SCMH1: variants seen among roughly 807,000 people sequenced by gnomAD.
SCMH1 encodes Scm polycomb group protein homolog 1.
SCMH1 carries 37 observed loss-of-function variants against 70.8 expected under a neutral mutation model. The observed-to-expected ratio is 0.52, with a 90% CI of 0.40 to 0.69. The LOEUF is 0.69. Ranked by LOEUF, SCMH1 falls within the 30% of genes least tolerant of loss-of-function variation. SCMH1 has a pLI of 0.00. For missense variants in SCMH1, 607 were observed against 827.3 expected (o/e 0.73, Z 3.27); for synonymous variants, 292 against 307.4 (o/e 0.95, Z 0.52).
chr1:41,201,723 A>C (rs1238009392), intron 1 of SCMH1, among the ~76,000 whole-genome samples: 2 of 152,206 alleles, frequency 1.3e-5, no homozygotes, highest in African/African-American at 4.8e-5. Flanking sequence ...TTCTCTAGCG[A>C]AGTGACTTAA....
intron 5 of SCMH1, among the ~76,000 whole-genome samples, chr1:41,146,986 C>T (rs1244629466): frequency 6.6e-6 from 1 of 152,066 alleles, no homozygotes; most frequent in African/African-American, 2.4e-5. Flanking sequence ...CCACCCCACC[C>T]AAAGTAGTTG....
chr1:41,033,945 C>G, intron 13 of SCMH1, 38 bp downstream of exon 14: 2 of 1,613,448 alleles, frequency 1.2e-6, no homozygotes, highest in Non-Finnish European at 1.7e-6. Flanking sequence ...GAAACAGGGC[C>G]TTGGGGAAGA....
intron 11 of SCMH1, 92 bp downstream of exon 11, chr1:41,048,598 G>T: frequency 8.9e-7 from 1 of 1,127,944 alleles, no homozygotes; most frequent in Non-Finnish European, 1.3e-6. Flanking sequence ...CTGCAGGTAT[G>T]AAGTGGGAAC....
chr1:41,205,783 A>G (rs1179657269), intron 1 of SCMH1, among the ~76,000 whole-genome samples: 2 of 152,254 alleles, frequency 1.3e-5, no homozygotes, highest in Non-Finnish European at 2.9e-5. Context: ...GCCGACTGAC[A>G]CCTCATACAG....
At chr1:41,200,251 G>A (rs1484841963) in intron 1 of SCMH1, among the ~76,000 whole-genome samples, 9 of 152,032 alleles carry the variant, frequency 5.9e-5, no homozygotes, top group African/African-American at 2.4e-5. Context: ...GCTGAGGCGG[G>A]TGGATCACAA....
chr1:41,125,108 C>T lies in SCMH1; in HGVS notation c.413-8098G>A, dbSNP rs140757086. Reference sequence around the variant, plus strand: ...TGGAGAGAAACTTTGAGACTGTGAACATCCTATTCCTCAGTATGTTTTTTT... The same window carrying T: ...TGGAGAGAAACTTTGAGACTGTGAATATCCTATTCCTCAGTATGTTTTTTT... On this transcript the variant is annotated intron_variant, in intron 6 of 14. Transcript: ENST00000337495. Among the ~76,000 whole-genome samples, 460 of 152,262 alleles carry T rather than the reference C, an allele frequency of 3.0e-3. 2 individuals carry two copies. Among genetic ancestry groups the T allele is most frequent in the Non-Finnish European group, 4.9e-3 (336 of 68,026 alleles).
chr1:41,113,159 C>T lies in SCMH1; in HGVS notation c.745+124G>A. The T allele has an allele frequency of 3.2e-6, 4 of 1,261,526 alleles. No homozygotes were observed. Among genetic ancestry groups the T allele is most frequent in the Non-Finnish European group, 4.4e-6 (4 of 918,786 alleles). The allele number at this position is 1,261,526 out of a possible 1,614,324, so 78.1% of individuals were successfully genotyped here. The stretch of plus-strand genomic sequence containing the variant: ...TAGACCTGGGTTTTTACCTAAGCTG[C>T]TGGCCCTTGCTCCTCCCCTGCATAC... On this transcript the variant is annotated intron_variant, in intron 8 of 14. Transcript: ENST00000337495. The surrounding 1 kb of genome is among the most constrained non-coding windows in gnomAD (Gnocchi z 4.3).
intron 10 of SCMH1, among the ~76,000 whole-genome samples, chr1:41,051,853 T>C (rs1354984124): frequency 1.3e-5 from 2 of 152,140 alleles, no homozygotes; most frequent in Admixed American, 6.5e-5. Context: ...AAATTTAGTG[T>C]AGCCAAAGTG....
chr1:41,117,830 C>T (rs1054673067), intron 6 of SCMH1, among the ~76,000 whole-genome samples: 3 of 152,206 alleles, frequency 2.0e-5, no homozygotes, highest in Non-Finnish European at 2.9e-5. Flanking sequence ...ACGTGACCCA[C>T]GTGACCTTAC....
At chr1:41,237,414 C>T (rs1187310684) in intron 1 of SCMH1, among the ~76,000 whole-genome samples, 2 of 152,088 alleles carry the variant, frequency 1.3e-5, no homozygotes, top group Admixed American at 6.6e-5. Context: ...TTTCTTATTT[C>T]GTTTATTGCA....
At chr1:41,123,098 G>T (rs766447461) in intron 6 of SCMH1, among the ~76,000 whole-genome samples, 30 of 152,180 alleles carry the variant, frequency 2.0e-4, no homozygotes, top group Non-Finnish European at 4.1e-4. Context: ...GTGTGTGCTT[G>T]TAGTCCCAGC....
intron 6 of SCMH1, among the ~76,000 whole-genome samples, chr1:41,136,899 T>G (rs1224398684): frequency 6.6e-6 from 1 of 150,850 alleles, no homozygotes; most frequent in Non-Finnish European, 1.5e-5. Context: ...TGCTTCAGCC[T>G]CCTAAAAGCC....
At chr1:41,206,947 A>T (rs898156995) in intron 1 of SCMH1, among the ~76,000 whole-genome samples, 2 of 152,358 alleles carry the variant, frequency 1.3e-5, no homozygotes, top group East Asian at 1.9e-4. Context: ...ACTAAGCTTC[A>T]TAAGTGAAGG....
chr1:41,174,554 C>A (rs1043541891), intron 2 of SCMH1, among the ~76,000 whole-genome samples: 1 of 152,010 alleles, frequency 6.6e-6, no homozygotes, highest in Admixed American at 6.6e-5. Flanking sequence ...TTTGGGTCAC[C>A]CTGCTGGGTA....
chr1:41,037,173 C>G (rs1377983901), intron 13 of SCMH1, among the ~76,000 whole-genome samples, 189 bp downstream of exon 13: 1 of 152,166 alleles, frequency 6.6e-6, no homozygotes, highest in African/African-American at 2.4e-5. Flanking sequence ...TTCTGTTATG[C>G]TCAAGCCAAT....
chr1:41,095,492 C>A (rs1018644205), intron 8 of SCMH1, among the ~76,000 whole-genome samples: 10 of 152,130 alleles, frequency 6.6e-5, no homozygotes, highest in African/African-American at 2.4e-4. Flanking sequence ...CATATTTCCT[C>A]TGGTTTGTAA....
chr1:41,120,704 T>C (rs1397825618), intron 6 of SCMH1, among the ~76,000 whole-genome samples: 1 of 152,176 alleles, frequency 6.6e-6, no homozygotes, highest in African/African-American at 2.4e-5. Context: ...AATTTTAACA[T>C]TGAAAGGGAC....
At chr1:41,133,176 G>T (rs213754) in intron 6 of SCMH1, among the ~76,000 whole-genome samples, 97,678 of 152,018 alleles carry the variant, frequency 0.64, 32,728 homozygotes, top group African/African-American at 0.84. Flanking sequence ...ATCCGTGAGC[G>T]TGGAATGTTC....
In SCMH1 at chr1:41,183,069, T is replaced by C. The variant is rs558367387; in HGVS notation, c.13+3052A>G. On this transcript the variant is annotated intron_variant, in intron 2 of 14. Coordinates refer to ENST00000337495, the Ensembl canonical transcript of SCMH1. ...TAATAATCAGTTTATATCTTTCTTC[T>C]CTGGCAGTCCCTATTCCAGTTAACA... Among the ~76,000 whole-genome samples the C allele has an allele frequency of 1.1e-4, 17 of 152,324 alleles. No homozygotes were observed. The South Asian group carries it at 2.9e-3, about 26-fold the overall frequency.
Sources: gnomAD v4.1 joint callset for allele counts (sites outside exome capture counted in the v4.1 genomes callset) on GRCh38, gnomAD v4.1.1 for gene constraint, Gnocchi (gnomAD v3.1) non-coding constraint, MANE v1.5 for transcripts, NCBI Gene and HGNC (gene_info 2026-07-23, HGNC 2026-07-21) for gene names.